The following KDM5C variants were observed in gnomAD, a reference collection of about 807,000 sequenced individuals.
The protein encoded by KDM5C is lysine-specific demethylase 5C.
Under a neutral mutation model 110.6 loss-of-function variants are expected in KDM5C, and 16 were observed. That is an observed-to-expected ratio of 0.14 (90% CI 0.10 to 0.22). The LOEUF (loss-of-function observed/expected upper bound fraction) is 0.22. KDM5C is among the 10% of genes least tolerant of loss of function. KDM5C has a pLI of 1.00. For missense variants in KDM5C, 681 were observed against 1,300.9 expected, an observed-to-expected ratio of 0.52 and a Z score of 7.33; for synonymous variants, 511 against 520.4, an observed-to-expected ratio of 0.98 and a Z score of 0.24.
chrX:53,195,663 C>T (rs1934788045), intron 20 of KDM5C, among the ~76,000 whole-genome samples: 1 of 111,851 alleles, frequency 8.9e-6, no homozygotes, highest in South Asian at 3.7e-4. Flanking sequence ...CCCTGCCCTG[C>T]TCAGTCCCAT....
chrX:53,178,316 C>T (rs1933936949), intron 25 of KDM5C, among the ~76,000 whole-genome samples: 1 of 111,949 alleles, frequency 8.9e-6, no homozygotes, highest in African/African-American at 3.2e-5. Context: ...CTGTATTGGA[C>T]ATGAGGGTAT....
chrX:53,180,522 G>C (rs1355715930), intron 25 of KDM5C, among the ~76,000 whole-genome samples: 2 of 109,694 alleles, frequency 1.8e-5, no homozygotes, highest in Admixed American at 9.9e-5. Context: ...GTAGGAGCAG[G>C]GGGTATATGG....
At chrX:53,194,779 A>G (rs1934700286) in intron 22 of KDM5C, 41 bp from the exon 23 acceptor site, 1 of 1,203,508 alleles carries the variant, frequency 8.3e-7, no homozygotes, top group African/African-American at 1.8e-5. Flanking sequence ...TCAGCAGCCT[A>G]CCCCTTCCCT....
At chrX:53,178,972 C>T (rs1033958055) in intron 25 of KDM5C, among the ~76,000 whole-genome samples, 40 of 111,198 alleles carry the variant, frequency 3.6e-4, no homozygotes, top group African/African-American at 1.1e-3. Flanking sequence ...TGGTGGCTCA[C>T]GCCTGTAATC....
intron 16 of KDM5C, 37 bp downstream of exon 16, chrX:53,198,727 T>C: frequency 8.3e-7 from 1 of 1,211,632 alleles, no homozygotes; most frequent in Non-Finnish European, 1.1e-6. Flanking sequence ...GGAATAGAAC[T>C]TGCCTGTGGA....
In KDM5C at chrX:53,214,862, G is replaced by T; in HGVS notation, c.964-15C>A. ...TATGACTCAATCTGCCAGGGGAGAA[G>T]AGCAAAAGTTCTCCATTGGAAATCC... On this transcript the variant is annotated splice_polypyrimidine_tract_variant and intron_variant, in intron 7 of 25. Coordinates refer to ENST00000375401, the MANE Select transcript of KDM5C (RefSeq NM_004187.5). The T allele has an allele frequency of 8.3e-7, 1 of 1,209,435 alleles. No homozygotes were observed. Among genetic ancestry groups the T allele is most frequent in the Non-Finnish European group, 1.1e-6 (1 of 893,844 alleles).
At chrX:53,196,154 CTG>C (rs782147055) in intron 19 of KDM5C, 100 bp from the exon 20 acceptor site, 2 of 946,028 alleles carry the variant, frequency 2.1e-6, no homozygotes, top group African/African-American at 3.8e-5. Flanking sequence ...CCTTGGGTGT[CTG>C]TTATTCCTGC....
chrX:53,193,916 C>T (rs937658996), intron 23 of KDM5C, 65 bp from the exon 24 acceptor site: 67 of 1,073,461 alleles, frequency 6.2e-5, no homozygotes, highest in Non-Finnish European at 7.8e-5. Flanking sequence ...ATTCCTCCTC[C>T]GCCAACCCCA....
chrX:53,193,615 A>G lies in KDM5C; in HGVS notation c.4139T>C (p.Leu1380Pro). ...CACAGGGCCAGTCAACTGTGGCAACAGCGAGGACAGCAGCTCCAGATCTAG... is the reference window on the plus strand; with the variant it reads ...CACAGGGCCAGTCAACTGTGGCAACGGCGAGGACAGCAGCTCCAGATCTAG... ...GKRDLELLSS[L>P]LPQLTGPVLE... The change falls in exon 25 of 26, where the codon CTG becomes CCG. Residue 1380 changes from leucine (L) to proline (P), a missense_variant. Coordinates refer to ENST00000375401, the MANE Select transcript of KDM5C (RefSeq NM_004187.5). 2 of 1,211,998 alleles carry G rather than the reference A, an allele frequency of 1.7e-6. No homozygotes were observed.
At chrX:53,215,112 T>C (rs1168265818) in intron 7 of KDM5C, 2 of 475,303 alleles carry the variant, frequency 4.2e-6, no homozygotes, top group Non-Finnish European at 7.6e-6. Context: ...CAAGACATGG[T>C]ATCCTTCCAA....
At chrX:53,215,148 T>C (rs2073704160) in intron 7 of KDM5C, 3 of 439,719 alleles carry the variant, frequency 6.8e-6, no homozygotes, top group African/African-American at 2.4e-5. Context: ...TAGAGACATG[T>C]GTTCATAAAA....
chrX:53,193,971 C>G, intron 23 of KDM5C, 120 bp from the exon 24 acceptor site: 3 of 948,462 alleles, frequency 3.2e-6, no homozygotes, highest in Non-Finnish European at 4.5e-6. Flanking sequence ...AAGACACAGG[C>G]TGCCAGCAGG....
chrX:53,180,074 G>A (rs1022572979), intron 25 of KDM5C, among the ~76,000 whole-genome samples: 1 of 111,672 alleles, frequency 9.0e-6, no homozygotes. Flanking sequence ...GGTACATCCA[G>A]ACAACAGAAT....
chrX:53,208,019 T>G (rs1238427589), intron 12 of KDM5C, among the ~76,000 whole-genome samples: 1 of 97,705 alleles, frequency 1.0e-5, no homozygotes, highest in Non-Finnish European at 2.1e-5. Flanking sequence ...ACATTACATA[T>G]CTATAAAAAG....
chrX:53,189,532 C>A (rs1435419880), downstream of KDM5C, among the ~76,000 whole-genome samples: 4 of 112,418 alleles, frequency 3.6e-5, no homozygotes, highest in African/African-American at 1.3e-4. Flanking sequence ...TGCTTCCTAA[C>A]CCCTCTTCTC....
At chrX:53,216,040 C>A (rs2146940653) in intron 6 of KDM5C, 34 bp downstream of exon 6, 1 of 1,212,142 alleles carries the variant, frequency 8.2e-7, no homozygotes, top group Non-Finnish European at 1.1e-6. Flanking sequence ...ACTTTTCTCC[C>A]CAGGTGAGGC....
intron 3 of KDM5C, 115 bp from the exon 4 acceptor site, chrX:53,218,081 TG>T: frequency 1.1e-6 from 1 of 916,189 alleles, no homozygotes; most frequent in Non-Finnish European, 1.6e-6. Context: ...CTCACTTCAC[TG>T]GGGGCTATCC....
chrX:53,211,956 G>A (rs918109297), intron 8 of KDM5C, 50 bp from the exon 9 acceptor site: 7 of 1,196,955 alleles, frequency 5.8e-6, no homozygotes, highest in Non-Finnish European at 6.8e-6. Flanking sequence ...AAGAGGTGAA[G>A]AATCCTCCCA....
At chrX:53,189,577 T>TA (rs1556829348), downstream of KDM5C, among the ~76,000 whole-genome samples, 5 of 112,375 alleles carry the variant, frequency 4.4e-5, no homozygotes, top group South Asian at 3.7e-4. Flanking sequence ...GAAGCATGGT[T>TA]AGTGTCTGCC....
Sources: allele counts gnomAD v4.1 joint callset (sites outside exome capture counted in the v4.1 genomes callset), GRCh38; gene constraint gnomAD v4.1.1; transcripts MANE v1.5; gene names NCBI Gene and HGNC (gene_info 2026-07-23, HGNC 2026-07-21).